The following THSD7A variants were observed in gnomAD, a reference collection of about 807,000 sequenced individuals.
THSD7A encodes the protein thrombospondin type-1 domain-containing protein 7A.
Under a neutral mutation model 231.3 loss-of-function variants are expected in THSD7A, and 96 were observed. That is an observed-to-expected ratio of 0.41 (90% confidence interval 0.35 to 0.49). The LOEUF (loss-of-function observed/expected upper bound fraction) is 0.49, where lower values mean the gene tolerates loss of function less well. Ranked by LOEUF, THSD7A falls within the 20% of genes least tolerant of loss-of-function variation. The pLI is 0.05. For synonymous variants in THSD7A, 940 were observed against 743.3 expected (o/e 1.26, Z -4.30); for missense variants, 2,290 against 2,070.2 (o/e 1.11, Z -2.06).
At chr7:11,795,424 T>G (rs971297107) in intron 1 of THSD7A, among the ~76,000 whole-genome samples, 3 of 152,032 alleles carry the variant, frequency 2.0e-5, no homozygotes, top group African/African-American at 7.2e-5. Flanking sequence ...GTATCCTATT[T>G]GTAGGAAATC....
intron 5 of THSD7A, among the ~76,000 whole-genome samples, chr7:11,542,473 A>AT (rs1168713160): frequency 6.6e-6 from 1 of 152,094 alleles, no homozygotes; most frequent in Non-Finnish European, 1.5e-5. Context: ...CAGTTTTTAC[A>AT]TTTTTTTCTT....
At chr7:11,713,990 G>C (rs1201541113) in intron 1 of THSD7A, among the ~76,000 whole-genome samples, 3 of 151,186 alleles carry the variant, frequency 2.0e-5, no homozygotes, top group Non-Finnish European at 4.4e-5. Flanking sequence ...AAACATCAGA[G>C]TGCGTCATAT....
At chr7:11,812,615 G>A (rs1784565142) in intron 1 of THSD7A, among the ~76,000 whole-genome samples, 1 of 152,024 alleles carries the variant, frequency 6.6e-6, no homozygotes, top group Admixed American at 6.6e-5. Flanking sequence ...ATCTCCCTGT[G>A]CTTGTGTGAA....
chr7:11,766,269 G>A (rs1050595335), intron 1 of THSD7A, among the ~76,000 whole-genome samples: 1 of 152,152 alleles, frequency 6.6e-6, no homozygotes, highest in Non-Finnish European at 1.5e-5. Flanking sequence ...AGAAAGGCCA[G>A]CATCAGTTGC....
At position 11,517,358 on chromosome 7, in the gene THSD7A, G is replaced by A. The variant is rs546792940; in HGVS notation, c.1822+24061C>T. ...CTCCCAAAGTGCTGGGATTACAGGC[G>A]TGAGCCACCATGCCCGGCCCCCATA... On this transcript the variant is annotated intron_variant, in intron 6 of 27. Coordinates refer to ENST00000423059, the MANE Select transcript of THSD7A (RefSeq NM_015204.3). Among the ~76,000 whole-genome samples the A allele has an allele frequency of 1.1e-4, 16 of 152,040 alleles. No homozygotes were observed. In the South Asian group the frequency reaches 2.3e-3, roughly 22 times the overall value.
At chr7:11,743,395 GT>G (rs1422841481) in intron 1 of THSD7A, among the ~76,000 whole-genome samples, 1 of 151,770 alleles carries the variant, frequency 6.6e-6, no homozygotes, top group African/African-American at 2.4e-5. Context: ...AAATTTACAT[GT>G]TTTTCTTAGG....
chr7:11,791,344 T>A (rs1343406477), intron 1 of THSD7A, among the ~76,000 whole-genome samples: 1 of 151,976 alleles, frequency 6.6e-6, no homozygotes, highest in African/African-American at 2.4e-5. Context: ...GGTATGGAAA[T>A]TTTACTGGAC....
chr7:11,597,182 C>T (rs558014543), intron 2 of THSD7A, among the ~76,000 whole-genome samples: 3 of 152,158 alleles, frequency 2.0e-5, no homozygotes, highest in Non-Finnish European at 2.9e-5. Flanking sequence ...AATTCAGGGA[C>T]CTTCTACCTC....
At chr7:11,546,213 C>T (rs1207419642) in intron 4 of THSD7A, among the ~76,000 whole-genome samples, 1 of 146,372 alleles carries the variant, frequency 6.8e-6, no homozygotes, top group East Asian at 2.0e-4. Flanking sequence ...CTCACACACA[C>T]ACACACACAC....
chr7:11,809,764 T>A (rs537672927), intron 1 of THSD7A, among the ~76,000 whole-genome samples: 1 of 152,190 alleles, frequency 6.6e-6, no homozygotes, highest in Admixed American at 6.5e-5. Flanking sequence ...ACATATTTCT[T>A]ACATACAAAT....
chr7:11,408,146 T>C (rs1375329952), intron 19 of THSD7A, among the ~76,000 whole-genome samples: 1 of 152,188 alleles, frequency 6.6e-6, no homozygotes, highest in Non-Finnish European at 1.5e-5. Context: ...AAATATAAGA[T>C]GAGGTTTCAA....
chr7:11,797,122 AT>A (rs1474688366), intron 1 of THSD7A, among the ~76,000 whole-genome samples: 7 of 152,244 alleles, frequency 4.6e-5, no homozygotes, highest in Middle Eastern at 3.4e-3. Flanking sequence ...AAAACAATTC[AT>A]TGACTAGTGA....
chr7:11,668,252 A>G (rs1485279707), intron 1 of THSD7A, among the ~76,000 whole-genome samples: 1 of 152,058 alleles, frequency 6.6e-6, no homozygotes, highest in Admixed American at 6.6e-5. Context: ...CCCTGTCTCT[A>G]GTAAAAATAC....
At chr7:11,683,977 C>T (rs1032801007) in intron 1 of THSD7A, among the ~76,000 whole-genome samples, 24 of 151,946 alleles carry the variant, frequency 1.6e-4, no homozygotes, top group African/African-American at 5.8e-4. Context: ...ATGCAAATAT[C>T]CTCTACAAAA....
In THSD7A at chr7:11,590,546, C is replaced by T; in HGVS notation, c.1367G>A (p.Gly456Glu). The change falls in exon 4 of 28, where the codon GGA becomes GAA. Residue 456 changes from glycine (G) to glutamate (E), a missense_variant. Gly to Glu is a moderately conservative substitution (Grantham distance 98). Coordinates refer to ENST00000423059, the MANE Select transcript of THSD7A (RefSeq NM_015204.3). This position sits in a 1 kb window ranked among gnomAD's most constrained non-coding sequence, Gnocchi z 4.4. ...KRRGNQTALCGGGIQTREVYC... is the reference protein window; with the variant it reads ...KRRGNQTALCEGGIQTREVYC... ...CACCTCTCGGGTCTGGATGCCCCCT[C>T]CACAGAGGGCCGTCTGGTTGCCGCG... is the stretch of plus-strand genomic sequence containing the variant. 1 of 1,613,944 alleles carries T rather than the reference C, an allele frequency of 6.2e-7. No homozygotes were observed. The highest frequency in any genetic ancestry group is 8.5e-7 in the Non-Finnish European group (1 of 1,179,852).
At chr7:11,579,381 C>T (rs1465229090) in intron 4 of THSD7A, among the ~76,000 whole-genome samples, 2 of 151,850 alleles carry the variant, frequency 1.3e-5, no homozygotes, top group African/African-American at 2.4e-5. Context: ...TGAAAAAATG[C>T]TACTCATTCA....
chr7:11,769,153 A>ATATTTTTTTTTTTTTTTTTTTTTT, intron 1 of THSD7A, among the ~76,000 whole-genome samples: 1 of 27,650 alleles, frequency 3.6e-5, no homozygotes, highest in Non-Finnish European at 7.0e-5. Context: ...ATATATATAT[A>ATATTTTTTTTTTTTTTTTTTTTTT]TTTTTTTTTT....
intron 13 of THSD7A, among the ~76,000 whole-genome samples, chr7:11,430,551 C>CAAGAT (rs1784448836): frequency 6.6e-6 from 1 of 152,142 alleles, no homozygotes; most frequent in African/African-American, 2.4e-5. Flanking sequence ...GCCTTGACCT[C>CAAGAT]CTGCACTCAA....
chr7:11,447,849 T>C (rs181848246), intron 11 of THSD7A, among the ~76,000 whole-genome samples: 73 of 152,250 alleles, frequency 4.8e-4, no homozygotes, highest in African/African-American at 1.6e-3. Flanking sequence ...TAATATTGTT[T>C]TATATCATTG....
Sources: gnomAD v4.1 joint callset for allele counts (sites outside exome capture counted in the v4.1 genomes callset) on GRCh38, gnomAD v4.1.1 for gene constraint, Gnocchi (gnomAD v3.1) non-coding constraint, MANE v1.5 for transcripts, NCBI Gene and HGNC (gene_info 2026-07-23, HGNC 2026-07-21) for gene names.